Variants in QRICH2 observed in about 807,000 individuals in gnomAD.
QRICH2 encodes glutamine-rich protein 2.
A neutral mutation model predicts 168.3 loss-of-function variants in QRICH2; 119 were observed. The observed-to-expected ratio is 0.71, with a 90% CI of 0.61 to 0.82. The LOEUF (loss-of-function observed/expected upper bound fraction) is 0.82, where lower values mean the gene tolerates loss of function less well. Among genes scored for constraint, QRICH2 ranks in the 40% least tolerant of loss-of-function variants. The probability of loss-of-function intolerance (pLI) is 0.00; values close to 1 mark genes in which losing one functional copy is unlikely to be tolerated. For missense variants in QRICH2, 2,241 were observed against 2,491.6 expected (o/e 0.90, Z 2.14); for synonymous variants, 894 against 951.2 (o/e 0.94, Z 1.11).
At chr17:76,279,495 TCTGCAGGC>T in intron 12 of QRICH2, 67 bp from the exon 13 acceptor site, 1 of 1,284,982 alleles carries the variant, frequency 7.8e-7, no homozygotes. Flanking sequence ...GGCTTGGGGC[TCTGCAGGC>T]CCCTGGAAGC....
intron 3 of QRICH2, among the ~76,000 whole-genome samples, chr17:76,304,076 C>T (rs1208919949): frequency 6.6e-6 from 1 of 151,946 alleles, no homozygotes; most frequent in Admixed American, 6.6e-5. Flanking sequence ...GTTGGCAAAG[C>T]TAAAAAAATT....
chr17:76,275,764 G>A, intron 18 of QRICH2, 55 bp downstream of exon 18: 1 of 1,581,184 alleles, frequency 6.3e-7, no homozygotes, highest in South Asian at 1.1e-5. Flanking sequence ...AGGAAAGGGG[G>A]CCGGCAGGGC....
In QRICH2 at chr17:76,292,152, G is replaced by A. The variant is rs768615022; in HGVS notation, c.2575C>T (p.Arg859Cys). Residue 859 changes from arginine (R) to cysteine (C), a missense_variant, in exon 4 of 19, where the codon CGT becomes TGT. By Grantham distance (180) the Arg-to-Cys change is radical. Around this residue, in one of 3 missense-constraint regions of QRICH2, gnomAD observed 2,047 missense variants for 2,303.8 expected, o/e 0.89. Transcript: ENST00000680821. ...TCCACTCCAGGTTGGACCAAACCAC[G>A]CTGATCTGCACCAGGTTGGACCAAA... ...HGLVQPGADQ[R>C]GLVQPGVDQR... is the part of the protein sequence containing the mutation. 1.9e-5 allele frequency: 29 copies of A among 1,521,046 alleles called. No individual in the cohort carries two copies. Among genetic ancestry groups the A allele is most frequent in the East Asian group, 1.5e-4 (6 of 39,936 alleles). The allele number at this position is 1,521,046 out of a possible 1,614,324, so 94.2% of individuals were successfully genotyped here.
At chr17:76,309,038 C>T (rs565497187), upstream of QRICH2, among the ~76,000 whole-genome samples, 2 of 150,118 alleles carry the variant, frequency 1.3e-5, no homozygotes, top group Non-Finnish European at 3.0e-5. Flanking sequence ...TAAGCCACCG[C>T]GCCCAGCCTG....
At chr17:76,283,660 G>A (rs1372185047) in intron 7 of QRICH2, among the ~76,000 whole-genome samples, 1 of 146,626 alleles carries the variant, frequency 6.8e-6, no homozygotes, top group Non-Finnish European at 1.5e-5. Context: ...GATCACCTGA[G>A]GTCAGGAGTT....
upstream of QRICH2, among the ~76,000 whole-genome samples, chr17:76,308,729 C>T (rs1260672693): frequency 6.6e-6 from 1 of 152,054 alleles, no homozygotes; most frequent in East Asian, 1.9e-4. Flanking sequence ...CTAATTGTCC[C>T]TTTTCTGTGC....
rs1406420086 is a variant in QRICH2 at position 76,281,568 on chromosome 17, G to C, written c.4263+296C>G. On this transcript the variant is annotated intron_variant, in intron 8 of 18. Coordinates refer to ENST00000680821, the MANE Select transcript of QRICH2 (RefSeq NM_001388453.1). This position sits in a 1 kb window ranked among gnomAD's most constrained non-coding sequence, Gnocchi z 4.4. ...CAACATCTCCTACAGTTGGGCCTGT[G>C]TCTCCAGGGCACGCGAAGGGCACTG... Among the ~76,000 whole-genome samples the C allele has an allele frequency of 6.6e-6, 1 of 152,188 alleles. No individual in the cohort carries two copies. Among genetic ancestry groups the C allele is most frequent in the South Asian group, 2.1e-4 (1 of 4,832 alleles).
intron 3 of QRICH2, among the ~76,000 whole-genome samples, chr17:76,295,949 G>A (rs2070786425): frequency 6.6e-6 from 1 of 152,210 alleles, no homozygotes; most frequent in Admixed American, 6.5e-5. Context: ...CTGAGGCTGG[G>A]CGCAGTGGCT....
intron 12 of QRICH2, 119 bp from the exon 13 acceptor site, chr17:76,279,547 C>T: frequency 2.7e-6 from 2 of 732,486 alleles, no homozygotes; most frequent in South Asian, 3.4e-5. Context: ...TGTCCCTGCT[C>T]CCCAGGAATC....
chr17:76,283,782 G>A (rs2070830851), intron 7 of QRICH2, among the ~76,000 whole-genome samples: 1 of 142,648 alleles, frequency 7.0e-6, no homozygotes, highest in Non-Finnish European at 1.5e-5. Context: ...GCTGAGGCAG[G>A]AGAATTGCTT....
chr17:76,292,464 C>T lies in QRICH2; in HGVS notation c.2263G>A (p.Gly755Ser). ...TGGACCAAACCACGCTGATCTGCACCAGGTGGGACCAAACCACGCTGATGA... is the reference window on the plus strand; with the variant it reads ...TGGACCAAACCACGCTGATCTGCACTAGGTGGGACCAAACCACGCTGATGA... ...ADHQRGLVPP[G>S]ADQRGLVQPG... Residue 755 changes from glycine (G) to serine (S), a missense_variant, in exon 4 of 19, where the codon GGT (glycine) becomes AGT (serine). Around this residue, in one of 3 missense-constraint regions of QRICH2, gnomAD observed 2,047 missense variants for 2,303.8 expected, o/e 0.89. Coordinates refer to ENST00000680821, the MANE Select transcript of QRICH2 (RefSeq NM_001388453.1). The T allele has an allele frequency of 6.5e-7, 1 of 1,545,634 alleles. No individual in the cohort carries two copies. The highest frequency in any genetic ancestry group is 8.8e-7 in the Non-Finnish European group (1 of 1,138,912).
Position 76,291,901 on chromosome 17 carries a change from TACCAA to T in QRICH2, c.2821_2825del (p.Leu941ThrfsTer8). 6.2e-7 allele frequency: 1 copy of T among 1,613,754 alleles called. No individual in the cohort carries two copies. The highest frequency in any genetic ancestry group is 1.3e-5 in the African/African-American group (1 of 74,894). On this transcript the variant is annotated frameshift_variant, in exon 4 of 19. Coordinates refer to ENST00000680821, the MANE Select transcript of QRICH2 (RefSeq NM_001388453.1). LOFTEE classifies it high-confidence loss of function. ...AATCATGCAAATATGCACCAGGTTG[TACCAA>T]ACCAAGAGGATAGGCACCAGGTTGT...
Position 76,282,105 on chromosome 17 carries a change from A to T in QRICH2, c.4022T>A (p.Leu1341His). 6.2e-7 allele frequency: 1 copy of T among 1,603,654 alleles called. No individual in the cohort carries two copies. The highest frequency in any genetic ancestry group is 8.5e-7 in the Non-Finnish European group (1 of 1,171,814). The change falls in exon 8 of 19, where the codon CTC becomes CAC. Residue 1341 changes from leucine (L) to histidine (H), a missense_variant. Transcript: ENST00000680821. Reference protein sequence around the residue: ...SLYLQDQLDKLRMIIESMLTS... With the variant: ...SLYLQDQLDKHRMIIESMLTS... ...CAGCATGCTCTCAATGATCATCCTG[A>T]GCTTGTCCAACTGCGTGCAGGAGAG... is the stretch of plus-strand genomic sequence containing the variant.
chr17:76,308,449 A>G (rs1225587744), upstream of QRICH2: 1 of 985,252 alleles, frequency 1.0e-6, no homozygotes, highest in African/African-American at 1.7e-5. Flanking sequence ...CCCTTAACCT[A>G]GAAAGGCCAG....
rs1247289807 is a variant in QRICH2, at chr17:76,307,464, C to A, written c.534+1G>T. ...GCGCGTGCCTCCGTGTGCGTGCTCA[C>A]CCTGGCAAAGCTGAGCTCCTCGGCG... On this transcript the variant is annotated splice_donor_variant, in intron 1 of 18. Transcript: ENST00000680821. LOFTEE classifies it high-confidence loss of function. This position sits in a 1 kb window ranked among gnomAD's most constrained non-coding sequence, Gnocchi z 5.3. The A allele has an allele frequency of 1.9e-6, 3 of 1,613,590 alleles. No individual in the cohort carries two copies. The African/African-American group carries it at 4.0e-5, about 22-fold the overall frequency.
At chr17:76,290,742 T>G (rs989125718) in intron 4 of QRICH2, among the ~76,000 whole-genome samples, 2 of 152,058 alleles carry the variant, frequency 1.3e-5, no homozygotes, top group African/African-American at 4.8e-5. Flanking sequence ...ATGCTACTGC[T>G]CTCTATAACC....
chr17:76,304,283 A>G (rs2070953482), intron 3 of QRICH2, 132 bp downstream of exon 3: 1 of 614,272 alleles, frequency 1.6e-6, no homozygotes, highest in Non-Finnish European at 2.9e-6. Flanking sequence ...TGGAAAAAGC[A>G]TTTAAAACAC....
rs991668076 is a variant in QRICH2, at chr17:76,292,941, C to G, written c.1786G>C (p.Asp596His). 1.9e-6 allele frequency: 3 copies of G among 1,613,736 alleles called. No homozygotes were observed. The highest frequency in any genetic ancestry group is 2.7e-5 in the African/African-American group (2 of 74,834). The change falls in exon 4 of 19, where the codon GAT (aspartate) becomes CAT (histidine). Residue 596 changes from aspartate (D) to histidine (H), a missense_variant. Asp to His is a moderately conservative substitution (Grantham distance 81). Around this residue, in one of 3 missense-constraint regions of QRICH2, gnomAD observed 2,047 missense variants for 2,303.8 expected, o/e 0.89. Transcript: ENST00000680821. ...YQPGLVQPGA[D>H]QRGLVRPGMD... is the part of the protein sequence containing the mutation. Reference sequence around the variant, plus strand: ...CCAGGCCGGACCAAACCACGCTGATCTGCACCAGGTTGGACCAAGCCAGGC... The same window carrying G: ...CCAGGCCGGACCAAACCACGCTGATGTGCACCAGGTTGGACCAAGCCAGGC...
chr17:76,276,086 T>C (rs1283937788), intron 17 of QRICH2, 139 bp from the exon 18 acceptor site: 20 of 1,042,524 alleles, frequency 1.9e-5, no homozygotes, highest in Middle Eastern at 3.2e-4. Flanking sequence ...CATTCTGAAT[T>C]TGTGGCTATG....
Sources: gnomAD v4.1 joint callset for allele counts (sites outside exome capture counted in the v4.1 genomes callset) on GRCh38, gnomAD v4.1.1 for gene constraint, gnomAD v4.1.1 regional missense constraint, Gnocchi (gnomAD v3.1) non-coding constraint, MANE v1.5 for transcripts, NCBI Gene and HGNC (gene_info 2026-07-23, HGNC 2026-07-21) for gene names.